Variants in ADAMTS6 observed in about 807,000 individuals in gnomAD.
ADAMTS6 encodes A disintegrin and metalloproteinase with thrombospondin motifs 6.
In ADAMTS6, 23 loss-of-function variants were observed where a neutral mutation model predicts 144.3. That is an observed-to-expected ratio of 0.16 (90% CI 0.11 to 0.23). ADAMTS6 has a LOEUF of 0.23. Among genes scored for constraint, ADAMTS6 ranks in the 10% least tolerant of loss-of-function variants. The pLI, the probability that ADAMTS6 is intolerant of heterozygous loss-of-function variation, is 1.00. For missense variants in ADAMTS6, 999 were observed against 1,379.6 expected, an observed-to-expected ratio of 0.72 and a Z score of 4.37; for synonymous variants, 444 against 457.5, an observed-to-expected ratio of 0.97 and a Z score of 0.38.
At chr5:65,296,840 A>C (rs1742887080) in intron 10 of ADAMTS6, among the ~76,000 whole-genome samples, 1 of 152,226 alleles carries the variant, frequency 6.6e-6, no homozygotes, top group Non-Finnish European at 1.5e-5. Flanking sequence ...CAGTTCAAAA[A>C]AGTTAACAGA....
intron 9 of ADAMTS6, 39 bp from the exon 10 acceptor site, chr5:65,300,170 G>A (rs1289488583): frequency 1.3e-6 from 2 of 1,580,212 alleles, no homozygotes; most frequent in Admixed American, 1.8e-5. Flanking sequence ...AAATAAATAA[G>A]AAAAAAACCC....
intron 7 of ADAMTS6, among the ~76,000 whole-genome samples, chr5:65,431,144 A>C (rs1044472771): frequency 2.6e-5 from 4 of 152,126 alleles, no homozygotes; most frequent in African/African-American, 9.7e-5. Flanking sequence ...TACAGCCTCA[A>C]AATTATTTTT....
intron 22 of ADAMTS6, among the ~76,000 whole-genome samples, chr5:65,179,396 T>C (rs1561253744): frequency 5.3e-5 from 8 of 152,224 alleles, no homozygotes; most frequent in Admixed American, 3.9e-4. Context: ...GAAATAAGAT[T>C]AAGGACTGAG....
chr5:65,424,677 A>G (rs754690243), intron 7 of ADAMTS6, among the ~76,000 whole-genome samples: 1 of 152,214 alleles, frequency 6.6e-6, no homozygotes, highest in African/African-American at 2.4e-5. Context: ...AGTTGCATCT[A>G]TAAGGCAAAA....
intron 9 of ADAMTS6, among the ~76,000 whole-genome samples, chr5:65,322,334 T>G (rs1745695571): frequency 6.6e-6 from 1 of 152,224 alleles, no homozygotes; most frequent in African/African-American, 2.4e-5. Flanking sequence ...TTGCTTAGGA[T>G]TGCCTTGGCT....
intron 12 of ADAMTS6, among the ~76,000 whole-genome samples, chr5:65,270,084 A>C (rs920431554): frequency 6.6e-6 from 1 of 152,194 alleles, no homozygotes. Flanking sequence ...ATAAGCCACC[A>C]GGCCCGGCCG....
intron 20 of ADAMTS6, among the ~76,000 whole-genome samples, chr5:65,207,287 A>T (rs931713907): frequency 6.6e-6 from 1 of 152,192 alleles, no homozygotes; most frequent in Non-Finnish European, 1.5e-5. Flanking sequence ...AGGAAAAAAA[A>T]TTGGAGAAAG....
At chr5:65,472,312 G>GA (rs1760513484) in intron 2 of ADAMTS6, among the ~76,000 whole-genome samples, 1 of 152,144 alleles carries the variant, frequency 6.6e-6, no homozygotes, top group African/African-American at 2.4e-5. Flanking sequence ...TGACCACTAA[G>GA]AAGTATAGGC....
At chr5:65,410,830 C>T (rs925483645) in intron 7 of ADAMTS6, among the ~76,000 whole-genome samples, 10 of 152,026 alleles carry the variant, frequency 6.6e-5, no homozygotes, top group African/African-American at 2.4e-4. Flanking sequence ...TCATTCATGC[C>T]ATCACAAATG....
At chr5:65,317,387 A>G (rs111985392) in intron 9 of ADAMTS6, among the ~76,000 whole-genome samples, 2,648 of 152,322 alleles carry the variant, frequency 0.017, 79 homozygotes, top group African/African-American at 0.06. Flanking sequence ...ATCTCTCACC[A>G]TATACAATAA....
chr5:65,305,732 A>G (rs1743878082), intron 9 of ADAMTS6, among the ~76,000 whole-genome samples: 1 of 152,144 alleles, frequency 6.6e-6, no homozygotes, highest in South Asian at 2.1e-4. Flanking sequence ...AGGAACACGA[A>G]CACAGAGACA....
At chr5:65,286,941 A>G (rs1300315262) in intron 11 of ADAMTS6, among the ~76,000 whole-genome samples, 1 of 152,228 alleles carries the variant, frequency 6.6e-6, no homozygotes, top group African/African-American at 2.4e-5. Flanking sequence ...TGGAAGAGAC[A>G]ACAGATTCTC....
At position 65,336,517 on chromosome 5, in the gene ADAMTS6, A is replaced by T. The variant is rs375826309; in HGVS notation, c.1074-2432T>A. Among the ~76,000 whole-genome samples the T allele has an allele frequency of 4.6e-4, 70 of 152,160 alleles. 1 individual carries two copies. The South Asian group carries it at 0.014, about 30-fold the overall frequency. On this transcript the variant is annotated intron_variant, in intron 7 of 24. Transcript: ENST00000381055. ...TGTATACTTAGGTAACACATCTGAG[A>T]TTTGTCCTGTATGTCCACTCAATGG...
intron 11 of ADAMTS6, among the ~76,000 whole-genome samples, chr5:65,275,418 A>AG (rs1414454180): frequency 1.8e-4 from 26 of 147,878 alleles, no homozygotes; most frequent in African/African-American, 5.1e-4. Context: ...AAAGAAAGAA[A>AG]AGAAAGAAAG....
chr5:65,376,165 G>A (rs1389960517), intron 7 of ADAMTS6, among the ~76,000 whole-genome samples: 1 of 152,166 alleles, frequency 6.6e-6, no homozygotes, highest in African/African-American at 2.4e-5. Context: ...AATGCTAGAT[G>A]ACGAGTTAGT....
chr5:65,205,664 G>A (rs140751902), intron 20 of ADAMTS6, among the ~76,000 whole-genome samples: 2 of 152,094 alleles, frequency 1.3e-5, no homozygotes, highest in African/African-American at 4.8e-5. Flanking sequence ...AGGGGCCAAG[G>A]CATGACAGAT....
chr5:65,419,419 A>T (rs1280260247), intron 7 of ADAMTS6, among the ~76,000 whole-genome samples: 1 of 152,134 alleles, frequency 6.6e-6, no homozygotes, highest in Non-Finnish European at 1.5e-5. Flanking sequence ...AGGAGGGGAG[A>T]AAGGGTTGAA....
intron 9 of ADAMTS6, among the ~76,000 whole-genome samples, chr5:65,323,378 T>A (rs1489728651): frequency 1.3e-5 from 2 of 151,250 alleles, no homozygotes; most frequent in African/African-American, 4.9e-5. Context: ...TTTGGTTTTT[T>A]GTCCTTCCAA....
At chr5:65,397,746 AC>A (rs1753472901) in intron 7 of ADAMTS6, among the ~76,000 whole-genome samples, 1 of 151,918 alleles carries the variant, frequency 6.6e-6, no homozygotes. Context: ...GTGTGGTGGC[AC>A]ATGCTTGTAG....
Sources: allele counts gnomAD v4.1 joint callset (sites outside exome capture counted in the v4.1 genomes callset), GRCh38; gene constraint gnomAD v4.1.1; transcripts MANE v1.5; gene names NCBI Gene and HGNC (gene_info 2026-07-23, HGNC 2026-07-21).